Variants in SDK1 observed in about 807,000 individuals in gnomAD.
The protein encoded by SDK1 is protein sidekick-1.
In SDK1, 157 loss-of-function variants were observed where a neutral mutation model predicts 245.5. That is an observed-to-expected ratio of 0.64 (90% CI 0.56 to 0.73). The LOEUF (loss-of-function observed/expected upper bound fraction) is 0.73, where lower values mean the gene tolerates loss of function less well. Ranked by LOEUF, SDK1 falls within the 30% of genes least tolerant of loss-of-function variation. The pLI is 0.00. For synonymous variants in SDK1, 1,647 were observed against 1,278.5 expected (o/e 1.29, Z -6.15); for missense variants, 3,583 against 3,002.3 (o/e 1.19, Z -4.52).
chr7:3,832,066 A>T (rs535126972), intron 5 of SDK1, among the ~76,000 whole-genome samples: 103 of 152,228 alleles, frequency 6.8e-4, no homozygotes, highest in African/African-American at 2.4e-3. Context: ...ATAATAATAT[A>T]ATAATCATAA....
At chr7:3,486,623 A>G (rs1450169931) in intron 1 of SDK1, among the ~76,000 whole-genome samples, 2 of 152,024 alleles carry the variant, frequency 1.3e-5, no homozygotes, top group Non-Finnish European at 2.9e-5. Flanking sequence ...TATGATGAAA[A>G]TGGAAATTTT....
chr7:4,140,017 G>T (rs1013089181), intron 28 of SDK1, among the ~76,000 whole-genome samples: 5 of 152,060 alleles, frequency 3.3e-5, no homozygotes, highest in Non-Finnish European at 7.4e-5. Context: ...CTCTGCAAAC[G>T]GTGATTCCTG....
At chr7:4,186,673 G>T (rs1196222762) in intron 35 of SDK1, among the ~76,000 whole-genome samples, 1 of 152,104 alleles carries the variant, frequency 6.6e-6, no homozygotes, top group Admixed American at 6.5e-5. Context: ...AATGAGTAGA[G>T]CCCCCCGCTG....
chr7:3,440,755 G>C (rs1780170954), intron 1 of SDK1, among the ~76,000 whole-genome samples: 1 of 152,156 alleles, frequency 6.6e-6, no homozygotes, highest in African/African-American at 2.4e-5. Flanking sequence ...TGTGAAACAG[G>C]ACAAGTAAAT....
rs1018827737 is a variant in SDK1 at position 3,588,710 on chromosome 7, G to A, written c.299-30370G>A. Reference sequence around the variant, plus strand: ...AATTGAGCAGGTTTTATCAACATCTGTATTGGGTTGATTTAGTTTCTCCTT... The same window carrying A: ...AATTGAGCAGGTTTTATCAACATCTATATTGGGTTGATTTAGTTTCTCCTT... On this transcript the variant is annotated intron_variant, in intron 1 of 44. Coordinates refer to ENST00000404826, the MANE Select transcript of SDK1 (RefSeq NM_152744.4). 3.3e-5 allele frequency among the ~76,000 whole-genome samples: 5 copies of A among 152,178 alleles called. No homozygotes were observed. The South Asian group carries it at 8.3e-4, about 25-fold the overall frequency.
intron 30 of SDK1, among the ~76,000 whole-genome samples, chr7:4,151,620 C>T (rs1780387955): frequency 1.3e-5 from 2 of 152,182 alleles, no homozygotes; most frequent in African/African-American, 2.4e-5. Flanking sequence ...CAGGACTTCA[C>T]CACCACCACC....
chr7:3,427,372 G>A (rs1485146602), intron 1 of SDK1, among the ~76,000 whole-genome samples: 1 of 151,792 alleles, frequency 6.6e-6, no homozygotes, highest in Non-Finnish European at 1.5e-5. Flanking sequence ...TGCAAAAATT[G>A]GCTGGGTGTG....
chr7:3,578,426 T>G (rs1780372100), intron 1 of SDK1, among the ~76,000 whole-genome samples: 1 of 152,074 alleles, frequency 6.6e-6, no homozygotes, highest in African/African-American at 2.4e-5. Context: ...TGTTCAGCTG[T>G]GCACGTATTG....
intron 2 of SDK1, among the ~76,000 whole-genome samples, chr7:3,637,003 C>A (rs1472414957): frequency 1.3e-5 from 2 of 151,736 alleles, no homozygotes; most frequent in Non-Finnish European, 2.9e-5. Flanking sequence ...TGTCTAGTAT[C>A]TTTGCCTTAT....
chr7:3,355,631 G>A (rs1297012876), intron 1 of SDK1, among the ~76,000 whole-genome samples: 1 of 152,032 alleles, frequency 6.6e-6, no homozygotes, highest in Non-Finnish European at 1.5e-5. Flanking sequence ...GGAGGAAATA[G>A]AAGCCATCAC....
chr7:3,710,657 T>C (rs1346842203), intron 4 of SDK1, among the ~76,000 whole-genome samples: 5 of 152,244 alleles, frequency 3.3e-5, no homozygotes, highest in Admixed American at 2.6e-4. Flanking sequence ...TCTCGTAAAT[T>C]ACTCTTGCCA....
intron 1 of SDK1, among the ~76,000 whole-genome samples, chr7:3,593,597 T>G (rs1226186925): frequency 6.6e-6 from 1 of 152,226 alleles, no homozygotes; most frequent in African/African-American, 2.4e-5. Flanking sequence ...GACTAAAAGA[T>G]AGGCACCCAT....
intron 1 of SDK1, among the ~76,000 whole-genome samples, chr7:3,506,525 C>G (rs766265055): frequency 1.3e-5 from 2 of 152,102 alleles, no homozygotes; most frequent in Non-Finnish European, 2.9e-5. Flanking sequence ...TTTTCAAATG[C>G]TTTACTCTCT....
intron 4 of SDK1, among the ~76,000 whole-genome samples, chr7:3,815,492 G>T (rs946348660): frequency 6.6e-6 from 1 of 150,384 alleles, no homozygotes; most frequent in African/African-American, 2.5e-5. Flanking sequence ...TAGGCTTTTT[G>T]ATGTGCTGCT....
At chr7:3,910,292 C>T (rs1401826594) in intron 5 of SDK1, among the ~76,000 whole-genome samples, 2 of 152,222 alleles carry the variant, frequency 1.3e-5, no homozygotes, top group East Asian at 1.9e-4. Context: ...CACATCACCA[C>T]AGCACAATAC....
chr7:4,116,291 G>C (rs912932682), intron 25 of SDK1, among the ~76,000 whole-genome samples: 2 of 152,138 alleles, frequency 1.3e-5, no homozygotes, highest in Admixed American at 1.3e-4. Context: ...TGCTGCAATG[G>C]GTGCAGGTAT....
At chr7:3,329,264 T>C (rs577818980) in intron 1 of SDK1, among the ~76,000 whole-genome samples, 18 of 152,294 alleles carry the variant, frequency 1.2e-4, no homozygotes, top group Non-Finnish European at 1.9e-4. Flanking sequence ...AGGCACTCTT[T>C]GATGACTCTG....
chr7:3,363,368 A>T (rs1435273257), intron 1 of SDK1, among the ~76,000 whole-genome samples: 1 of 151,988 alleles, frequency 6.6e-6, no homozygotes, highest in Non-Finnish European at 1.5e-5. Flanking sequence ...CCATTCACCT[A>T]TTAAAGACAT....
chr7:3,432,895 G>T (rs1779905994), intron 1 of SDK1, among the ~76,000 whole-genome samples: 1 of 152,152 alleles, frequency 6.6e-6, no homozygotes, highest in African/African-American at 2.4e-5. Context: ...GAATTTCATG[G>T]CTGAGCCTCA....
Sources: gnomAD v4.1 joint callset for allele counts (sites outside exome capture counted in the v4.1 genomes callset) on GRCh38, gnomAD v4.1.1 for gene constraint, MANE v1.5 for transcripts, NCBI Gene and HGNC (gene_info 2026-07-23, HGNC 2026-07-21) for gene names.